ATXN7: variants seen among roughly 807,000 people sequenced by gnomAD.
The protein encoded by ATXN7 is ataxin-7.
ATXN7 carries 12 observed loss-of-function variants against 70.5 expected under a neutral mutation model. That is an observed-to-expected ratio of 0.17 (90% CI 0.11 to 0.28). The LOEUF (loss-of-function observed/expected upper bound fraction) is 0.28. Ranked by LOEUF, ATXN7 falls within the 10% of genes least tolerant of loss-of-function variation. The pLI is 1.00. For synonymous variants in ATXN7, 498 were observed against 448.7 expected (o/e 1.11, Z -1.39); for missense variants, 1,256 against 1,131.7 (o/e 1.11, Z -1.58).
intron 4 of ATXN7, among the ~76,000 whole-genome samples, chr3:63,942,881 G>A (rs2074794652): frequency 6.6e-6 from 1 of 152,200 alleles, no homozygotes; most frequent in African/African-American, 2.4e-5. Context: ...AGAGTAACTT[G>A]CCCAAGGGTC....
At chr3:63,959,907 A>G (rs2075098297) in intron 5 of ATXN7, among the ~76,000 whole-genome samples, 1 of 152,232 alleles carries the variant, frequency 6.6e-6, no homozygotes, top group South Asian at 2.1e-4. Flanking sequence ...TATGCTAGGC[A>G]TTGCCCTCCA....
chr3:63,863,496 C>G (rs142023103), upstream of ATXN7: 15,062 of 1,179,674 alleles, frequency 0.013, 162 homozygotes, highest in African/African-American at 0.058. Flanking sequence ...ACCACGCTCC[C>G]GGCACACCCT....
chr3:63,882,843 TC>T (rs1702957385), intron 1 of ATXN7, among the ~76,000 whole-genome samples: 1 of 152,208 alleles, frequency 6.6e-6, no homozygotes, highest in African/African-American at 2.4e-5. Flanking sequence ...TTTTGGTGTT[TC>T]CTAGATGTGT....
intron 1 of ATXN7, among the ~76,000 whole-genome samples, chr3:63,898,120 T>C (rs1177430803): frequency 6.6e-6 from 1 of 152,160 alleles, no homozygotes; most frequent in Non-Finnish European, 1.5e-5. Context: ...TTAGTGCAAA[T>C]TATATACAAT....
chr3:63,909,466 T>C (rs998674271), intron 2 of ATXN7, among the ~76,000 whole-genome samples: 7 of 152,174 alleles, frequency 4.6e-5, no homozygotes, highest in Non-Finnish European at 8.8e-5. Context: ...TTTGGTGGTA[T>C]GGAAAGGGGA....
rs542859296 is a variant in ATXN7, at chr3:63,865,398, C to T, written c.-111+1240C>T. The T allele has an allele frequency of 3.3e-5, 5 of 152,268 alleles. No individual in the cohort carries two copies. In the East Asian group the frequency reaches 5.8e-4, roughly 18 times the overall value. The allele number at this position is 152,268 out of a possible 1,614,324, so 9.4% of individuals were successfully genotyped here. A position where few individuals can be genotyped will look rare whatever the true frequency, so the allele number is the denominator to read the frequency against. On this transcript the variant is annotated intron_variant, in intron 1 of 12. Coordinates refer to ENST00000674280, the MANE Select transcript of ATXN7 (RefSeq NM_001377405.1). ...CTCCCCTAAGGTATGAAGTTTCCGA[C>T]TTTGAAAAAATACTGACCTAAACGC...
chr3:63,976,529 G>A (rs1400661691), intron 5 of ATXN7, among the ~76,000 whole-genome samples: 1 of 152,014 alleles, frequency 6.6e-6, no homozygotes, highest in African/African-American at 2.4e-5. Context: ...AGACTTTTTT[G>A]GGATATTATC....
rs896384387 is a variant in ATXN7, at chr3:63,870,432, C to T, written c.-111+6274C>T. On this transcript the variant is annotated intron_variant, in intron 1 of 12. Transcript: ENST00000674280. ...TATGTGTGTGTGTGCTCACACACTG[C>T]TGTTTTATTTAGCATACTCTGCTTT... 3.3e-5 allele frequency among the ~76,000 whole-genome samples: 5 copies of T among 152,254 alleles called. No homozygotes were observed. In the East Asian group the frequency reaches 9.7e-4, roughly 29 times the overall value.
chr3:63,968,009 C>T, intron 5 of ATXN7: 1 of 1,507,674 alleles, frequency 6.6e-7, no homozygotes. Context: ...AGAGTCTGGG[C>T]TTGGCTCAGG....
chr3:63,991,142 G>T (rs1057498722), intron 11 of ATXN7, among the ~76,000 whole-genome samples: 2 of 152,108 alleles, frequency 1.3e-5, no homozygotes, highest in African/African-American at 4.8e-5. Flanking sequence ...GTCTACAGAA[G>T]AATAAGGAGA....
chr3:63,903,373 C>CAAG (rs1342207826), intron 2 of ATXN7, among the ~76,000 whole-genome samples: 2 of 103,068 alleles, frequency 1.9e-5, no homozygotes, highest in Non-Finnish European at 3.5e-5. Flanking sequence ...GGCAACAGAG[C>CAAG]AAGACTCCGT....
At chr3:63,966,554 C>T (rs537475838) in intron 5 of ATXN7, among the ~76,000 whole-genome samples, 46 of 152,136 alleles carry the variant, frequency 3.0e-4, no homozygotes, top group African/African-American at 9.2e-4. Flanking sequence ...ATTGTATGAA[C>T]GTTACTGTAA....
Position 63,996,320 on chromosome 3 carries a change from T to A in ATXN7, c.2498T>A (p.Ile833Lys). The A allele has an allele frequency of 6.2e-7, 1 of 1,613,840 alleles. No homozygotes were observed. The highest frequency in any genetic ancestry group is 8.5e-7 in the Non-Finnish European group (1 of 1,179,970). ...TCACACACTCCTCTAGACAAACTCATAGGAAAGAAAAGAAAGTGCTCACCC... is the reference window on the plus strand; with the variant it reads ...TCACACACTCCTCTAGACAAACTCAAAGGAAAGAAAAGAAAGTGCTCACCC... The part of the protein sequence containing the change: ...SHSHTPLDKL[I>K]GKKRKCSPSS... Residue 833 changes from isoleucine to lysine, a missense_variant, in exon 12 of 13, where the codon ATA (isoleucine) becomes AAA (lysine). Physicochemically the swap from Ile to Lys is moderately radical, Grantham distance 102. Transcript: ENST00000674280.
intron 4 of ATXN7, among the ~76,000 whole-genome samples, chr3:63,940,705 T>C (rs1427943876): frequency 6.6e-6 from 1 of 152,198 alleles, no homozygotes; most frequent in Non-Finnish European, 1.5e-5. Context: ...ACTATCATTT[T>C]CAAATGTAGA....
At chr3:63,956,021 T>G (rs3821902) in intron 5 of ATXN7, among the ~76,000 whole-genome samples, 16,360 of 152,252 alleles carry the variant, frequency 0.11, 1,061 homozygotes, top group Admixed American at 0.16. Context: ...GCTGCAGTTT[T>G]AGGAGTTAAC....
chr3:63,868,714 T>C (rs750574184), intron 1 of ATXN7, among the ~76,000 whole-genome samples: 3 of 152,178 alleles, frequency 2.0e-5, no homozygotes, highest in Non-Finnish European at 4.4e-5. Flanking sequence ...TATTTCTCTC[T>C]GTGGGCAAGA....
At chr3:63,999,395 T>C in intron 12 of ATXN7, 55 bp from the exon 13 acceptor site, 2 of 1,397,672 alleles carry the variant, frequency 1.4e-6, no homozygotes, top group Admixed American at 3.4e-5. Context: ...TAGAGTGCAG[T>C]GTACAAACGC....
At chr3:63,967,931 C>T (rs1368987759) in intron 5 of ATXN7, 13 of 1,535,786 alleles carry the variant, frequency 8.5e-6, no homozygotes, top group Non-Finnish European at 1.0e-5. Context: ...AGCAAGACGC[C>T]TCTCCAAAGC....
chr3:63,969,101 T>C (rs2075272074), intron 5 of ATXN7, among the ~76,000 whole-genome samples: 1 of 152,192 alleles, frequency 6.6e-6, no homozygotes, highest in Non-Finnish European at 1.5e-5. Context: ...AGATACTGTT[T>C]CTCTCTTCAG....
Sources: gnomAD v4.1 joint callset for allele counts (sites outside exome capture counted in the v4.1 genomes callset) on GRCh38, gnomAD v4.1.1 for gene constraint, MANE v1.5 for transcripts, NCBI Gene and HGNC (gene_info 2026-07-23, HGNC 2026-07-21) for gene names.